Variants in QSER1 observed in about 807,000 individuals in gnomAD.
QSER1 encodes the protein glutamine and serine rich 1.
In QSER1, 49 loss-of-function variants were observed where a neutral mutation model predicts 158.5. That is an observed-to-expected ratio of 0.31 (90% CI 0.25 to 0.39). QSER1 has a LOEUF of 0.39. Ranked by LOEUF, QSER1 falls within the 10% of genes least tolerant of loss-of-function variation. QSER1 has a pLI of 1.00. For synonymous variants in QSER1, 650 were observed against 715.5 expected, an observed-to-expected ratio of 0.91 and a Z score of 1.46; for missense variants, 1,754 against 2,010.3, an observed-to-expected ratio of 0.87 and a Z score of 2.44.
rs1852926459 is a variant in QSER1 at position 32,974,122 on chromosome 11, A to G, written c.5358+573A>G. Among the ~76,000 whole-genome samples, 6 of 152,364 alleles carry G rather than the reference A, an allele frequency of 3.9e-5. No homozygotes were observed. The South Asian group carries it at 1.2e-3, about 32-fold the overall frequency. The stretch of plus-strand genomic sequence containing the variant: ...CAGTTTGGCAACATATCAACTTCAC[A>G]GCAAAAATGTATTCAGGGCTAAGCA... On this transcript the variant is annotated intron_variant, in intron 11 of 12. Transcript: ENST00000650167.
intron 4 of QSER1, among the ~76,000 whole-genome samples, chr11:32,939,558 C>T (rs1035120761): frequency 5.9e-5 from 9 of 152,072 alleles, no homozygotes; most frequent in Non-Finnish European, 1.0e-4. Context: ...ACTGTAGGTT[C>T]TATTAACATC....
intron 1 of QSER1, among the ~76,000 whole-genome samples, chr11:32,917,838 A>C (rs780735084): frequency 0.018 from 2,656 of 151,188 alleles, 44 homozygotes; most frequent in South Asian, 0.038. Flanking sequence ...AAAAAAAAAA[A>C]AAAAAACCAG....
At chr11:32,949,573 A>G (rs1415709108) in intron 4 of QSER1, among the ~76,000 whole-genome samples, 1 of 152,238 alleles carries the variant, frequency 6.6e-6, no homozygotes, top group Non-Finnish European at 1.5e-5. Flanking sequence ...CAACTATGCA[A>G]TTGTATAATG....
At chr11:32,968,844 C>G (rs2133606022) in intron 9 of QSER1, among the ~76,000 whole-genome samples, 1 of 152,332 alleles carries the variant, frequency 6.6e-6, no homozygotes, top group Middle Eastern at 3.4e-3. Context: ...TGAGCTGCCT[C>G]TTTCTCACTT....
At chr11:32,913,776 A>G (rs1164067285) in intron 1 of QSER1, among the ~76,000 whole-genome samples, 1 of 152,126 alleles carries the variant, frequency 6.6e-6, no homozygotes, top group Non-Finnish European at 1.5e-5. Context: ...AGGTGTTACT[A>G]TTACCCATAT....
At chr11:32,975,994 C>T (rs530620393) in intron 12 of QSER1, among the ~76,000 whole-genome samples, 1 of 151,966 alleles carries the variant, frequency 6.6e-6, no homozygotes, top group East Asian at 1.9e-4. Flanking sequence ...GAAAGATGCT[C>T]ATAAATCTAA....
chr11:32,935,687 C>A (rs1852142639), intron 4 of QSER1, among the ~76,000 whole-genome samples: 1 of 152,222 alleles, frequency 6.6e-6, no homozygotes, highest in Non-Finnish European at 1.5e-5. Context: ...AGTATGCCAT[C>A]TAATCTGAGA....
chr11:32,909,394 C>T (rs757126906), intron 1 of QSER1, among the ~76,000 whole-genome samples: 37 of 151,630 alleles, frequency 2.4e-4, no homozygotes, highest in Non-Finnish European at 4.4e-4. Flanking sequence ...TAAAAGATGA[C>T]GTGAGATTAT....
rs1228970896 is a variant in QSER1 at position 32,969,068 on chromosome 11, GA to G, written c.5137del (p.Ile1713Ter). ...SNDELLLPHM[K>X]KIDGMLNDNR... Reference sequence around the variant, plus strand: ...CAGATGAGCTACTTTTACCTCATATGAAAAAAATAGATGGCATGCTAAATGA... The same window carrying G: ...CAGATGAGCTACTTTTACCTCATATGAAAAAATAGATGGCATGCTAAATGA... On this transcript the variant is annotated frameshift_variant, in exon 10 of 13. Transcript: ENST00000650167. LOFTEE classifies it high-confidence loss of function. The G allele has an allele frequency of 4.4e-6, 7 of 1,585,712 alleles. No individual in the cohort carries two copies. Among genetic ancestry groups the G allele is most frequent in the East Asian group, 2.3e-5 (1 of 43,930 alleles).
chr11:32,899,653 A>G (rs1223604526), intron 1 of QSER1, among the ~76,000 whole-genome samples: 1 of 150,128 alleles, frequency 6.7e-6, no homozygotes, highest in African/African-American at 2.5e-5. Flanking sequence ...GCAGGGTGCC[A>G]CAAAAATGAA....
At chr11:32,908,954 G>C (rs541924113) in intron 1 of QSER1, among the ~76,000 whole-genome samples, 5 of 152,250 alleles carry the variant, frequency 3.3e-5, no homozygotes, top group Admixed American at 3.3e-4. Context: ...GAGGTCAGAA[G>C]TTCAAGACCA....
In QSER1 at chr11:32,934,478, C is replaced by G; in HGVS notation, c.3220C>G (p.Gln1074Glu). 1.2e-6 allele frequency: 2 copies of G among 1,613,708 alleles called. No individual in the cohort carries two copies. The highest frequency in any genetic ancestry group is 1.7e-6 in the Non-Finnish European group (2 of 1,179,982). The part of the protein sequence containing the change: ...ALQSKMTLDQ[Q>E]HIETPGQNIP... The stretch of plus-strand genomic sequence containing the variant: ...TCAGTCAAAAATGACTCTTGATCAA[C>G]AGCACATTGAAACACCTGGTCAAAA... The change falls in exon 4 of 13, where the codon CAG (glutamine) becomes GAG (glutamate). Residue 1074 changes from glutamine (Q) to glutamate (E), a missense_variant. This residue lies in a region of QSER1 where 1,707 missense variants were observed against 1,919.6 expected (regional missense o/e 0.89). Transcript: ENST00000650167.
At chr11:32,909,076 C>T (rs1851730991) in intron 1 of QSER1, among the ~76,000 whole-genome samples, 1 of 152,150 alleles carries the variant, frequency 6.6e-6, no homozygotes, top group Admixed American at 6.5e-5. Context: ...AGGGGAATCG[C>T]TTGAACCCAG....
chr11:32,941,748 G>C (rs1312664143), intron 4 of QSER1, among the ~76,000 whole-genome samples: 1 of 152,100 alleles, frequency 6.6e-6, no homozygotes, highest in Non-Finnish European at 1.5e-5. Context: ...TATATACCCA[G>C]TAATGGGATG....
At position 32,958,160 on chromosome 11, in the gene QSER1, C is replaced by T. The variant is rs75443466; in HGVS notation, c.4969+74C>T. 1,625 of 1,157,210 alleles carry T rather than the reference C, an allele frequency of 1.4e-3. 15 individuals are homozygous for T. In the African/African-American group the frequency reaches 0.022, roughly 16 times the overall value. 71.7% of individuals were successfully genotyped at this position (1,157,210 alleles called of 1,614,324 possible). ...TGAGTGGTGAGGAGCAGGATGCTGA[C>T]AATTCAAAATGTATTTACTTTTCAG... On this transcript the variant is annotated intron_variant, in intron 8 of 12. Transcript: ENST00000650167.
At chr11:32,895,406 A>G (rs1445034493) in intron 1 of QSER1, among the ~76,000 whole-genome samples, 1 of 152,186 alleles carries the variant, frequency 6.6e-6, no homozygotes, top group Non-Finnish European at 1.5e-5. Flanking sequence ...ACACTTCTGA[A>G]TTATACCTCA....
At chr11:32,917,944 T>C (rs953236913) in intron 1 of QSER1, among the ~76,000 whole-genome samples, 3 of 152,212 alleles carry the variant, frequency 2.0e-5, no homozygotes, top group Non-Finnish European at 4.4e-5. Context: ...CAAGTAGGTT[T>C]TGGCCTTATA....
intron 1 of QSER1, among the ~76,000 whole-genome samples, chr11:32,913,348 GC>G (rs1851794321): frequency 6.6e-6 from 1 of 151,704 alleles, no homozygotes; most frequent in African/African-American, 2.4e-5. Flanking sequence ...GCGCCACCAT[GC>G]CCAGCTAATT....
At chr11:32,970,946 C>CTTTTTTTTTTTT (rs776051259) in intron 10 of QSER1, among the ~76,000 whole-genome samples, 1 of 76,870 alleles carries the variant, frequency 1.3e-5, no homozygotes, top group Non-Finnish European at 2.2e-5. Flanking sequence ...AAGCAATTTG[C>CTTTTTTTTTTTT]TTTTTTTTTT....
Sources: gnomAD v4.1 joint callset for allele counts (sites outside exome capture counted in the v4.1 genomes callset) on GRCh38, gnomAD v4.1.1 for gene constraint, gnomAD v4.1.1 regional missense constraint, MANE v1.5 for transcripts, NCBI Gene and HGNC (gene_info 2026-07-23, HGNC 2026-07-21) for gene names.